The following HIVEP3 variants were observed in gnomAD, a reference collection of about 807,000 sequenced individuals.
The protein encoded by HIVEP3 is transcription factor HIVEP3.
In HIVEP3, 49 loss-of-function variants were observed where a neutral mutation model predicts 152.8. The observed-to-expected ratio is 0.32, with a 90% CI of 0.26 to 0.41. The LOEUF (loss-of-function observed/expected upper bound fraction) is 0.41, where lower values mean the gene tolerates loss of function less well. Among genes scored for constraint, HIVEP3 ranks in the 10% least tolerant of loss-of-function variants. The probability of loss-of-function intolerance (pLI) is 1.00; values close to 1 mark genes in which losing one functional copy is unlikely to be tolerated. For missense variants in HIVEP3, 2,790 were observed against 3,103.3 expected (o/e 0.90, Z 2.40); for synonymous variants, 1,269 against 1,289.0 (o/e 0.98, Z 0.33).
At chr1:41,642,276 T>C (rs781220858) in intron 2 of HIVEP3, among the ~76,000 whole-genome samples, 1 of 152,266 alleles carries the variant, frequency 6.6e-6, no homozygotes, top group Non-Finnish European at 1.5e-5. Flanking sequence ...TAGAGAGTAA[T>C]GTCTGCACTT....
chr1:41,777,481 C>T (rs146987497), intron 1 of HIVEP3, among the ~76,000 whole-genome samples: 7 of 152,228 alleles, frequency 4.6e-5, no homozygotes, highest in African/African-American at 1.4e-4. Flanking sequence ...CTCTTTCAAA[C>T]CCCCAAACCC....
chr1:41,650,276 G>A (rs1300286768), intron 2 of HIVEP3, among the ~76,000 whole-genome samples: 1 of 152,172 alleles, frequency 6.6e-6, no homozygotes, highest in Admixed American at 6.5e-5. Context: ...ACACGTGGGC[G>A]GTGACAGAGC....
chr1:41,655,582 CAAAAA>C (rs55918119), intron 2 of HIVEP3, among the ~76,000 whole-genome samples: 3,307 of 57,340 alleles, frequency 0.058, 30 homozygotes, highest in South Asian at 0.12. Flanking sequence ...CACTCCATCT[CAAAAA>C]AAAAAAAAAA....
chr1:41,588,829 T>C (rs1366122687), intron 3 of HIVEP3, among the ~76,000 whole-genome samples: 1 of 151,998 alleles, frequency 6.6e-6, no homozygotes, highest in Non-Finnish European at 1.5e-5. Flanking sequence ...CACTGGGGCT[T>C]GGACTTCTGG....
chr1:41,512,898 AG>A lies in HIVEP3; in HGVS notation c.6322del (p.Leu2108TrpfsTer80). Reference protein sequence around the residue: ...SAGEHGPGLGLDPRVLFPPAP... With the variant: ...SAGEHGPGLGXDPRVLFPPAP... The stretch of plus-strand genomic sequence containing the variant: ...GGGCGGGAAGAGAACCCGTGGGTCC[AG>A]CCCCAAGCCTGGGCCATGCTCCCCC... On this transcript the variant is annotated frameshift_variant, in exon 8 of 9. Transcript: ENST00000372583. LOFTEE classifies it high-confidence loss of function. 6.3e-7 allele frequency: 1 copy of A among 1,577,518 alleles called. No individual in the cohort carries two copies. Among genetic ancestry groups the A allele is most frequent in the Non-Finnish European group, 8.6e-7 (1 of 1,161,224 alleles).
intron 1 of HIVEP3, among the ~76,000 whole-genome samples, chr1:41,760,914 C>T (rs941161887): frequency 1.3e-5 from 2 of 152,200 alleles, no homozygotes; most frequent in South Asian, 4.1e-4. Flanking sequence ...GACCCTCAAA[C>T]ATGTCCCGTC....
At chr1:41,574,361 G>GT (rs368569649) in intron 5 of HIVEP3, among the ~76,000 whole-genome samples, 1 of 152,178 alleles carries the variant, frequency 6.6e-6, no homozygotes, top group African/African-American at 2.4e-5. Context: ...TTGGTTCAGT[G>GT]TTTTTTCAAC....
chr1:41,674,703 G>A (rs1258526642), intron 2 of HIVEP3, among the ~76,000 whole-genome samples: 6 of 152,202 alleles, frequency 3.9e-5, no homozygotes, highest in East Asian at 1.9e-4. Flanking sequence ...GAATCCTCAC[G>A]CTGAGATCAC....
chr1:41,906,513 T>G (rs561547644), intron 1 of HIVEP3, among the ~76,000 whole-genome samples: 20 of 151,602 alleles, frequency 1.3e-4, no homozygotes, highest in African/African-American at 4.4e-4. Flanking sequence ...GAAAACAGAG[T>G]TTTGCAAGGG....
At chr1:41,536,731 C>T (rs908175721) in intron 5 of HIVEP3, among the ~76,000 whole-genome samples, 13 of 152,114 alleles carry the variant, frequency 8.5e-5, no homozygotes, top group Admixed American at 5.9e-4. Flanking sequence ...TATTAGCAAA[C>T]TCTTACACTG....
intron 1 of HIVEP3, among the ~76,000 whole-genome samples, chr1:41,802,679 C>T (rs892107519): frequency 6.6e-6 from 1 of 152,138 alleles, no homozygotes; most frequent in African/African-American, 2.4e-5. Context: ...AGGCTTCTTA[C>T]CTGTAAAATG....
chr1:41,506,429 G>A lies in HIVEP3; in HGVS notation c.*4022C>T, dbSNP rs1173143433. 2 of 151,916 alleles carry A rather than the reference G, an allele frequency of 1.3e-5. No individual in the cohort carries two copies. Among genetic ancestry groups the A allele is most frequent in the African/African-American group, 4.8e-5 (2 of 41,326 alleles). 9.4% of individuals were successfully genotyped at this position (151,916 alleles called of 1,614,324 possible). A position where few individuals can be genotyped will look rare whatever the true frequency, so the allele number is the denominator to read the frequency against. ...TTTTTTTTTTAAAAAATATCCTCAG[G>A]CTGAACACTCAGCCAGAGCTGTAAT... On this transcript the variant is annotated 3_prime_UTR_variant, in exon 9 of 9. Coordinates refer to ENST00000372583, the MANE Select transcript of HIVEP3 (RefSeq NM_024503.5).
chr1:42,014,736 A>G (rs773623543), intron 1 of HIVEP3, among the ~76,000 whole-genome samples: 1 of 152,234 alleles, frequency 6.6e-6, no homozygotes, highest in Non-Finnish European at 1.5e-5. Context: ...TAACAAATTT[A>G]GGTCTGAAAA....
chr1:41,749,850 A>G (rs1366208797), intron 1 of HIVEP3, among the ~76,000 whole-genome samples: 5 of 152,258 alleles, frequency 3.3e-5, no homozygotes, highest in African/African-American at 1.2e-4. Context: ...GGTGAAATGT[A>G]TGTGGGGGTC....
chr1:41,593,234 G>A (rs1644614144), intron 3 of HIVEP3, among the ~76,000 whole-genome samples: 1 of 152,112 alleles, frequency 6.6e-6, no homozygotes, highest in African/African-American at 2.4e-5. Flanking sequence ...GTCCCCACAT[G>A]CCCCTCCCCA....
intron 2 of HIVEP3, among the ~76,000 whole-genome samples, chr1:41,667,505 C>T (rs974726602): frequency 6.6e-6 from 1 of 152,246 alleles, no homozygotes; most frequent in Non-Finnish European, 1.5e-5. Flanking sequence ...GAAGATTAGT[C>T]AAGCCACACT....
intron 1 of HIVEP3, among the ~76,000 whole-genome samples, chr1:41,807,254 G>A (rs1650686325): frequency 6.6e-6 from 1 of 152,182 alleles, no homozygotes. Flanking sequence ...TGTTAGCCAG[G>A]GCTCAAGAAT....
At position 41,871,407 on chromosome 1, in the gene HIVEP3, TAA is replaced by T. The variant is rs5773753; in HGVS notation, c.-801+47004_-801+47005del. Reference sequence around the variant, plus strand: ...ATTTACAATGAATACCATTTAAAGCTAAAAAAAAAAAAACCCCTGCATATTCT... The same window carrying T: ...ATTTACAATGAATACCATTTAAAGCTAAAAAAAAAAACCCCTGCATATTCT... On this transcript the variant is annotated intron_variant, in intron 1 of 8. Transcript: ENST00000372583. Among the ~76,000 whole-genome samples the T allele has an allele frequency of 1.0e-2, 1,478 of 147,810 alleles. 12 individuals are homozygous for T. Among genetic ancestry groups the T allele is most frequent in the Middle Eastern group, 0.014 (4 of 282 alleles).
chr1:41,565,979 A>G (rs1644156907), intron 5 of HIVEP3, among the ~76,000 whole-genome samples: 1 of 151,842 alleles, frequency 6.6e-6, no homozygotes, highest in African/African-American at 2.4e-5. Flanking sequence ...TTAACCATCC[A>G]TGACTTGGGT....
Sources: allele counts gnomAD v4.1 joint callset (sites outside exome capture counted in the v4.1 genomes callset), GRCh38; gene constraint gnomAD v4.1.1; transcripts MANE v1.5; gene names NCBI Gene and HGNC (gene_info 2026-07-23, HGNC 2026-07-21).